The following BCAS3 variants were observed in gnomAD, a reference collection of about 807,000 sequenced individuals.
BCAS3 encodes the protein BCAS4/BCAS3 fusion.
In BCAS3, 53 loss-of-function variants were observed where a neutral mutation model predicts 116.1. That is an observed-to-expected ratio of 0.46 (90% CI 0.37 to 0.57). The LOEUF is 0.57. Ranked by LOEUF, BCAS3 falls within the 20% of genes least tolerant of loss-of-function variation. BCAS3 has a pLI of 0.00. For missense variants in BCAS3, 917 were observed against 1,165.4 expected (o/e 0.79, Z 3.10); for synonymous variants, 391 against 408.2 (o/e 0.96, Z 0.51).
intron 6 of BCAS3, among the ~76,000 whole-genome samples, chr17:60,755,103 G>C (rs1169504362): frequency 1.3e-5 from 2 of 152,134 alleles, no homozygotes; most frequent in African/African-American, 4.8e-5. Flanking sequence ...AGTGTTTCTA[G>C]GGGAGAATGT....
At chr17:61,245,205 G>A (rs1211987454) in intron 22 of BCAS3, 1 of 152,056 alleles carries the variant, frequency 6.6e-6, no homozygotes, top group Non-Finnish European at 1.5e-5. Context: ...AAGCCCCTTA[G>A]AAAACCATCA....
rs2143312949 is a variant in BCAS3 at position 61,348,860 on chromosome 17, C to T, written c.2426-19467C>T. Among the ~76,000 whole-genome samples the T allele has an allele frequency of 6.6e-6, 1 of 150,610 alleles. No individual in the cohort carries two copies. The highest frequency in any genetic ancestry group is 2.1e-4 in the South Asian group (1 of 4,782). ...CTCCGCCTCCCAGGTTAATGCCATT[C>T]TCCTGCCTCAGCTTCCCGAGTAGCT... On this transcript the variant is annotated intron_variant, in intron 22 of 23. Transcript: ENST00000407086. The surrounding 1 kb of genome is among the most constrained non-coding windows in gnomAD (Gnocchi z 4.5).
chr17:61,001,652 GGAGAAAAA>G (rs2064246526), intron 15 of BCAS3, among the ~76,000 whole-genome samples: 1 of 152,062 alleles, frequency 6.6e-6, no homozygotes, highest in African/African-American at 2.4e-5. Flanking sequence ...CATGTTAAAT[GGAGAAAAA>G]TCTTGTGGGG....
intron 22 of BCAS3, among the ~76,000 whole-genome samples, chr17:61,129,237 T>C (rs538534001): frequency 7.2e-5 from 11 of 152,348 alleles, no homozygotes; most frequent in Middle Eastern, 3.4e-3. Flanking sequence ...GTGCTAAAAA[T>C]TATGAATTTC....
chr17:60,899,299 C>T (rs2057718709), intron 10 of BCAS3, among the ~76,000 whole-genome samples: 1 of 152,106 alleles, frequency 6.6e-6, no homozygotes, highest in South Asian at 2.1e-4. Flanking sequence ...TGTCTCACCC[C>T]CATCCCTGGC....
chr17:61,296,246 C>A (rs2052896228), intron 22 of BCAS3, among the ~76,000 whole-genome samples: 1 of 152,190 alleles, frequency 6.6e-6, no homozygotes, highest in Admixed American at 6.5e-5. Flanking sequence ...ATGCATTCTC[C>A]AAGTTCCTGG....
At chr17:60,873,839 T>C (rs1309332310) in intron 8 of BCAS3, among the ~76,000 whole-genome samples, 2 of 152,032 alleles carry the variant, frequency 1.3e-5, no homozygotes, top group African/African-American at 4.8e-5. Flanking sequence ...CTTTAGTAGA[T>C]AGCCAACAAT....
chr17:60,837,170 G>A (rs904549232), intron 7 of BCAS3, among the ~76,000 whole-genome samples: 2 of 152,104 alleles, frequency 1.3e-5, no homozygotes, highest in Admixed American at 1.3e-4. Context: ...TTGAACTGTA[G>A]ATTTGTATGT....
intron 6 of BCAS3, among the ~76,000 whole-genome samples, chr17:60,748,385 T>G (rs1156882533): frequency 6.6e-6 from 1 of 152,252 alleles, no homozygotes; most frequent in Admixed American, 6.5e-5. Context: ...TAGCTGTCTC[T>G]CTGTTTCTTT....
At chr17:60,972,043 C>G (rs901775924) in intron 14 of BCAS3, among the ~76,000 whole-genome samples, 2 of 152,172 alleles carry the variant, frequency 1.3e-5, no homozygotes, top group Admixed American at 1.3e-4. Context: ...CTCTTGGAAT[C>G]CTACGTTGTT....
chr17:60,760,866 G>C (rs185862117), intron 6 of BCAS3, among the ~76,000 whole-genome samples: 3 of 152,004 alleles, frequency 2.0e-5, no homozygotes, highest in African/African-American at 7.2e-5. Flanking sequence ...GTCACTTTTT[G>C]TTGTCCCAAA....
chr17:61,355,649 C>G lies in BCAS3; in HGVS notation c.2426-12678C>G, dbSNP rs1194580590. Among the ~76,000 whole-genome samples, 2 of 152,226 alleles carry G rather than the reference C, an allele frequency of 1.3e-5. No individual in the cohort carries two copies. Among genetic ancestry groups the G allele is most frequent in the Non-Finnish European group, 2.9e-5 (2 of 68,048 alleles). ...GTACAAATTGGAACAATAACATCCA[C>G]CTCATAAGTTATTGGGATGATTTCA... On this transcript the variant is annotated intron_variant, in intron 22 of 23. Coordinates refer to ENST00000407086, the MANE Select transcript of BCAS3 (RefSeq NM_017679.5). The surrounding 1 kb of genome is among the most constrained non-coding windows in gnomAD (Gnocchi z 4.2).
At chr17:61,298,123 A>G (rs1342488504) in intron 22 of BCAS3, among the ~76,000 whole-genome samples, 1 of 152,044 alleles carries the variant, frequency 6.6e-6, no homozygotes, top group East Asian at 1.9e-4. Flanking sequence ...ATCCTTCTAT[A>G]TTTGTGTTCA....
At chr17:60,793,642 A>G (rs1160512093) in intron 6 of BCAS3, among the ~76,000 whole-genome samples, 1 of 152,148 alleles carries the variant, frequency 6.6e-6, no homozygotes, top group Admixed American at 6.6e-5. Context: ...TATTAGTGAG[A>G]ACATATGATG....
chr17:61,024,616 A>G (rs542929155), intron 16 of BCAS3, among the ~76,000 whole-genome samples: 7 of 151,402 alleles, frequency 4.6e-5, no homozygotes, highest in Non-Finnish European at 8.8e-5. Flanking sequence ...TTTTGGCAAC[A>G]TGTTACTGCC....
chr17:60,814,303 G>GCGCA (rs1555731386), intron 7 of BCAS3, among the ~76,000 whole-genome samples: 1 of 135,834 alleles, frequency 7.4e-6, no homozygotes, highest in African/African-American at 3.3e-5. Flanking sequence ...GTGTGTGTGT[G>GCGCA]TGTGCGCGCG....
At position 61,346,774 on chromosome 17, in the gene BCAS3, CCA is replaced by C. The variant is rs887353140; in HGVS notation, c.2426-21550_2426-21549del. ...GAAGGCATGAAGGCAAGCCACTTCA[CCA>C]CAGTCTCATCTACGCTGTGTTAGAG... On this transcript the variant is annotated intron_variant, in intron 22 of 23. Transcript: ENST00000407086. This position sits in a 1 kb window ranked among gnomAD's most constrained non-coding sequence, Gnocchi z 5.4. Among the ~76,000 whole-genome samples the C allele has an allele frequency of 5.3e-5, 8 of 152,210 alleles. No homozygotes were observed. The highest frequency in any genetic ancestry group is 1.2e-4 in the Non-Finnish European group (8 of 68,052).
At chr17:61,255,280 A>G (rs1308770412) in intron 22 of BCAS3, among the ~76,000 whole-genome samples, 1 of 152,224 alleles carries the variant, frequency 6.6e-6, no homozygotes, top group Non-Finnish European at 1.5e-5. Flanking sequence ...TGCCAAAGAA[A>G]AGATCTCAAG....
chr17:60,739,758 G>T (rs915455302), intron 5 of BCAS3, among the ~76,000 whole-genome samples: 2 of 151,960 alleles, frequency 1.3e-5, no homozygotes, highest in African/African-American at 2.4e-5. Flanking sequence ...AACATTTCTT[G>T]CAAGGCAGGT....
Sources: allele counts gnomAD v4.1 joint callset (sites outside exome capture counted in the v4.1 genomes callset), GRCh38; gene constraint gnomAD v4.1.1; non-coding constraint Gnocchi (gnomAD v3.1); transcripts MANE v1.5; gene names NCBI Gene and HGNC (gene_info 2026-07-23, HGNC 2026-07-21).